Variants in MED12L observed in about 807,000 individuals in gnomAD.
MED12L encodes the protein mediator of RNA polymerase II transcription subunit 12-like protein.
Under a neutral mutation model 281.3 loss-of-function variants are expected in MED12L, and 60 were observed. The observed-to-expected ratio is 0.21, with a 90% CI of 0.17 to 0.26. MED12L has a LOEUF of 0.26. MED12L is among the 10% of genes least tolerant of loss of function. The pLI is 1.00. For missense variants in MED12L, 2,146 were observed against 2,680.9 expected, an observed-to-expected ratio of 0.80 and a Z score of 4.41; for synonymous variants, 974 against 987.2, an observed-to-expected ratio of 0.99 and a Z score of 0.25.
At chr3:151,322,773 C>T (rs553814586) in intron 16 of MED12L, among the ~76,000 whole-genome samples, 8 of 152,284 alleles carry the variant, frequency 5.3e-5, no homozygotes, top group Admixed American at 3.9e-4. Flanking sequence ...CTCCCAGTTC[C>T]AAGGCATCAT....
intron 11 of MED12L, among the ~76,000 whole-genome samples, chr3:151,177,398 C>G (rs535521111): frequency 6.6e-6 from 1 of 152,312 alleles, no homozygotes; most frequent in African/African-American, 2.4e-5. Context: ...TGCCCATGAC[C>G]ATCTTAACTT....
intron 16 of MED12L, chr3:151,213,638 C>T (rs1727586629): frequency 1.9e-6 from 3 of 1,614,108 alleles, no homozygotes; most frequent in African/African-American, 1.3e-5. Flanking sequence ...TTCTTTTTGA[C>T]CGAAGTGGAA....
At chr3:151,233,314 T>G (rs1026666061) in intron 16 of MED12L, among the ~76,000 whole-genome samples, 1 of 152,248 alleles carries the variant, frequency 6.6e-6, no homozygotes, top group African/African-American at 2.4e-5. Flanking sequence ...TACCATTCAT[T>G]TTGAGTTTTG....
intron 16 of MED12L, among the ~76,000 whole-genome samples, chr3:151,221,457 G>A (rs1729337877): frequency 6.6e-6 from 1 of 152,196 alleles, no homozygotes; most frequent in African/African-American, 2.4e-5. Context: ...CGCAGGCCTG[G>A]AGGCCTAGAA....
At position 151,431,655 on chromosome 3, in the gene MED12L, A is replaced by AT. The variant is rs1044650111; in HGVS notation, c.6491-1091dup. On this transcript the variant is annotated intron_variant, in intron 44 of 44. Coordinates refer to ENST00000687756, the MANE Select transcript of MED12L (RefSeq NM_001393769.1). ...TATAGAAAATACAATCTTAAGGCAG[A>AT]TTTTTTCTTCTAGTGTTTAGAAATA... 5.6e-4 allele frequency among the ~76,000 whole-genome samples: 85 copies of AT among 152,126 alleles called. 1 individual carries two copies. Among genetic ancestry groups the AT allele is most frequent in the African/African-American group, 1.8e-3 (73 of 41,494 alleles).
At chr3:151,253,843 C>T (rs1242570168) in intron 16 of MED12L, among the ~76,000 whole-genome samples, 1 of 152,112 alleles carries the variant, frequency 6.6e-6, no homozygotes, top group Non-Finnish European at 1.5e-5. Flanking sequence ...CCATGGACAC[C>T]TGACTCCTAA....
chr3:151,380,289 T>A (rs1712018376), intron 32 of MED12L, 65 bp downstream of exon 32: 5 of 1,118,006 alleles, frequency 4.5e-6, no homozygotes, highest in Non-Finnish European at 6.5e-6. Context: ...TATTTGCCTT[T>A]CAAATACTGA....
chr3:151,231,205 G>A (rs977350334), intron 16 of MED12L, among the ~76,000 whole-genome samples: 1 of 152,230 alleles, frequency 6.6e-6, no homozygotes, highest in Non-Finnish European at 1.5e-5. Flanking sequence ...ATGCTGGCTA[G>A]TAAAGGTAGA....
intron 16 of MED12L, among the ~76,000 whole-genome samples, chr3:151,196,456 T>C (rs572642888): frequency 6.6e-6 from 1 of 152,312 alleles, no homozygotes; most frequent in East Asian, 1.9e-4. Context: ...GTGTTTTCCA[T>C]GTCCCCATCT....
intron 6 of MED12L, among the ~76,000 whole-genome samples, chr3:151,157,967 T>C (rs1202377818): frequency 3.9e-5 from 6 of 152,186 alleles, no homozygotes; most frequent in Non-Finnish European, 8.8e-5. Flanking sequence ...GTGCATAGAA[T>C]GTCATAAAAT....
intron 5 of MED12L, among the ~76,000 whole-genome samples, chr3:151,132,380 C>T (rs1472560267): frequency 6.6e-6 from 1 of 152,132 alleles, no homozygotes; most frequent in African/African-American, 2.4e-5. Flanking sequence ...TAGAACAGTT[C>T]ATTAGCCATT....
chr3:151,275,198 C>T (rs574161866), intron 16 of MED12L, among the ~76,000 whole-genome samples: 1 of 152,032 alleles, frequency 6.6e-6, no homozygotes, highest in Non-Finnish European at 1.5e-5. Flanking sequence ...TGGAGAGTAT[C>T]GAGGATCAGA....
chr3:151,087,633 G>A (rs2148590561), intron 2 of MED12L, among the ~76,000 whole-genome samples: 2 of 152,284 alleles, frequency 1.3e-5, no homozygotes, highest in Middle Eastern at 6.8e-3. Context: ...AATTGCTAGA[G>A]GCTGTTTTGT....
intron 16 of MED12L, among the ~76,000 whole-genome samples, chr3:151,343,120 C>T (rs17282940): frequency 0.11 from 16,872 of 152,162 alleles, 1,239 homozygotes; most frequent in Middle Eastern, 0.17. Flanking sequence ...AAGTGAATCT[C>T]GTGTGGGATG....
intron 11 of MED12L, among the ~76,000 whole-genome samples, chr3:151,181,984 A>G (rs1239203568): frequency 6.6e-6 from 1 of 152,204 alleles, no homozygotes; most frequent in Non-Finnish European, 1.5e-5. Context: ...GAATAAAGAC[A>G]TGAAAATGTA....
intron 11 of MED12L, among the ~76,000 whole-genome samples, chr3:151,174,794 T>G (rs1053079575): frequency 3.9e-5 from 6 of 152,116 alleles, no homozygotes; most frequent in East Asian, 1.9e-4. Context: ...CACAGCTGAT[T>G]GCAGCCTTGA....
Position 151,193,555 on chromosome 3 carries a change from A to C in MED12L, c.2139A>C (p.Ser713=). 1 of 1,614,068 alleles carries C rather than the reference A, an allele frequency of 6.2e-7. No individual in the cohort carries two copies. The highest frequency in any genetic ancestry group is 1.1e-5 in the South Asian group (1 of 91,082). The change falls in exon 16 of 45, where the codon TCA becomes TCC. Residue 713 remains serine, a synonymous_variant. Transcript: ENST00000687756. ...ACACTTCGTTGGGCAGAAGAATGTCAGTTAATTGTGAGAAGTTGGTGAAGA... is the reference window on the plus strand; with the variant it reads ...ACACTTCGTTGGGCAGAAGAATGTCCGTTAATTGTGAGAAGTTGGTGAAGA... ...NANTSLGRRM[S]VNCEKLVKRE...
At chr3:151,299,341 TTTCC>T (rs796769101) in intron 16 of MED12L, among the ~76,000 whole-genome samples, 20 of 147,366 alleles carry the variant, frequency 1.4e-4, no homozygotes, top group African/African-American at 4.2e-4. Flanking sequence ...TCCTTCTTTC[TTTCC>T]TTCCTTCCTT....
intron 43 of MED12L, 28 bp downstream of exon 43, chr3:151,416,450 A>C: frequency 6.2e-7 from 1 of 1,608,776 alleles, no homozygotes; most frequent in Non-Finnish European, 8.5e-7. Flanking sequence ...GGAATCAGAC[A>C]TGTGGGTTTC....
Sources: gnomAD v4.1 joint callset for allele counts (sites outside exome capture counted in the v4.1 genomes callset) on GRCh38, gnomAD v4.1.1 for gene constraint, MANE v1.5 for transcripts, NCBI Gene and HGNC (gene_info 2026-07-23, HGNC 2026-07-21) for gene names.